IGSF8: variants seen among roughly 807,000 people sequenced by gnomAD.
The protein encoded by IGSF8 is immunoglobulin superfamily member 8.
In IGSF8, 46 loss-of-function variants were observed where a neutral mutation model predicts 55.5. That is an observed-to-expected ratio of 0.83 (90% CI 0.65 to 1.06). The LOEUF (loss-of-function observed/expected upper bound fraction) is 1.06, where lower values mean the gene tolerates loss of function less well. IGSF8 is among the 50% of genes least tolerant of loss of function. IGSF8 has a pLI of 0.00. For missense variants in IGSF8, 731 were observed against 832.3 expected, an observed-to-expected ratio of 0.88 and a Z score of 1.50; for synonymous variants, 314 against 356.1, an observed-to-expected ratio of 0.88 and a Z score of 1.33.
At position 160,093,292 on chromosome 1, in the gene IGSF8, C is replaced by G; in HGVS notation, c.944G>C (p.Arg315Pro). The change falls in exon 4 of 7, where the codon CGG becomes CCG. Residue 315 changes from arginine (R) to proline (P), a missense_variant. Physicochemically the swap from Arg to Pro is moderately radical, Grantham distance 103 (BLOSUM62 -2). Transcript: ENST00000314485. Reference sequence around the variant, plus strand: ...TTCCAAGGGCTCCCCTGGGCCGATCCGACGTTCACCAGGCCCCACTGTCAC... The same window carrying G: ...TTCCAAGGGCTCCCCTGGGCCGATCGGACGTTCACCAGGCCCCACTGTCAC... Reference protein sequence around the residue: ...LAVTVGPGERRIGPGEPLELL... With the variant: ...LAVTVGPGERPIGPGEPLELL... The G allele has an allele frequency of 6.2e-7, 1 of 1,603,176 alleles. No homozygotes were observed. Among genetic ancestry groups the G allele is most frequent in the Non-Finnish European group, 8.5e-7 (1 of 1,171,640 alleles).
chr1:160,093,290 T>C lies in IGSF8; in HGVS notation c.946A>G (p.Ile316Val), dbSNP rs1650143428. ...AVTVGPGERR[I>V]GPGEPLELLC... ...AGTTCCAAGGGCTCCCCTGGGCCGA[T>C]CCGACGTTCACCAGGCCCCACTGTC... Residue 316 changes from isoleucine (I) to valine (V), a missense_variant, in exon 4 of 7, where the codon ATC becomes GTC. Transcript: ENST00000314485. 1 of 1,605,068 alleles carries C rather than the reference T, an allele frequency of 6.2e-7. No individual in the cohort carries two copies. Among genetic ancestry groups the C allele is most frequent in the Admixed American group, 1.7e-5 (1 of 59,700 alleles).
chr1:160,096,467 CA>C (rs1650443557), intron 1 of IGSF8, among the ~76,000 whole-genome samples: 3 of 152,186 alleles, frequency 2.0e-5, no homozygotes, highest in African/African-American at 7.2e-5. Flanking sequence ...TTAGGCCTCC[CA>C]GGGGGATACC....
rs776584556 is a variant in IGSF8 at position 160,093,154 on chromosome 1, T to C, written c.1082A>G (p.Gln361Arg). 6.2e-6 allele frequency: 10 copies of C among 1,613,672 alleles called. No homozygotes were observed. In the East Asian group the frequency reaches 1.8e-4, roughly 29 times the overall value. ...GCTGCCCACACCCTCTGTGTCCAGC[T>C]GGGCTACCAGGCGGCCGGGCCCAGG... ...GAPGPGRLVAQLDTEGVGSLG... is the reference protein window; with the variant it reads ...GAPGPGRLVARLDTEGVGSLG... The change falls in exon 4 of 7, where the codon CAG becomes CGG. Residue 361 changes from glutamine (Q) to arginine (R), a missense_variant. Transcript: ENST00000314485.
In IGSF8 at chr1:160,094,498, TCTAACTCCTTCC is replaced by T. The variant is rs1473219749; in HGVS notation, c.443-339_443-328del. Among the ~76,000 whole-genome samples the T allele has an allele frequency of 1.3e-5, 2 of 152,150 alleles. No individual in the cohort carries two copies. Among genetic ancestry groups the T allele is most frequent in the African/African-American group, 4.8e-5 (2 of 41,420 alleles). On this transcript the variant is annotated intron_variant, in intron 2 of 6. Coordinates refer to ENST00000314485, the MANE Select transcript of IGSF8 (RefSeq NM_052868.6). This position sits in a 1 kb window ranked among gnomAD's most constrained non-coding sequence, Gnocchi z 4.0. ...TTAAGAGAGTGAGAATGTCACATGGTCTAACTCCTTCCCTAACTCTACTCTCTTTCCCAGATC... is the reference window on the plus strand; with the variant it reads ...TTAAGAGAGTGAGAATGTCACATGGTCTAACTCTACTCTCTTTCCCAGATC...
Position 160,094,758 on chromosome 1 carries a change from C to T in IGSF8, c.442+111G>A, listed in dbSNP as rs774814054. 6 of 1,199,394 alleles carry T rather than the reference C, an allele frequency of 5.0e-6. No individual in the cohort carries two copies. Among genetic ancestry groups the T allele is most frequent in the African/African-American group, 1.5e-5 (1 of 64,750 alleles). 74.3% of individuals were successfully genotyped at this position (1,199,394 alleles called of 1,614,324 possible). A position where few individuals can be genotyped will look rare whatever the true frequency, so the allele number is the denominator to read the frequency against. ...GTGCAAATCACTTAACCTCTTTGGG[C>T]CTCAAGTTCCTTGGCTACAAAACCT... On this transcript the variant is annotated intron_variant, in intron 2 of 6. Coordinates refer to ENST00000314485, the MANE Select transcript of IGSF8 (RefSeq NM_052868.6). This position sits in a 1 kb window ranked among gnomAD's most constrained non-coding sequence, Gnocchi z 4.0.
intron 5 of IGSF8, 104 bp from the exon 6 acceptor site, chr1:160,092,042 T>C: frequency 1.1e-6 from 1 of 873,082 alleles, no homozygotes; most frequent in Non-Finnish European, 1.9e-6. Context: ...ACCTTCTCCA[T>C]TCACAGACAC....
rs200042857 is a variant in IGSF8 at position 160,093,796 on chromosome 1, G to T, written c.818C>A (p.Ala273Asp). Residue 273 changes from alanine to aspartate, a missense_variant, in exon 3 of 7, where the codon GCT becomes GAT. By Grantham distance (126) the Ala-to-Asp change is moderately radical. Transcript: ENST00000314485. The stretch of plus-strand genomic sequence containing the variant: ...GCCATCAGGATCCTGAATCCACTCA[G>T]CGGCAGTGCAGTGGTAGGTGCCTGC... ...GDAGTYHCTA[A>D]EWIQDPDGSW... 394 of 1,613,974 alleles carry T rather than the reference G, an allele frequency of 2.4e-4. No homozygotes were observed. The highest frequency in any genetic ancestry group is 3.2e-4 in the Non-Finnish European group (375 of 1,179,976).
intron 1 of IGSF8, 78 bp downstream of exon 1, chr1:160,098,330 GC>G: frequency 6.6e-7 from 1 of 1,513,372 alleles, no homozygotes; most frequent in Non-Finnish European, 8.9e-7. Flanking sequence ...GATGTGAGGA[GC>G]CCCGAAATGC....
rs1650622478 is a variant in IGSF8 at position 160,098,604 on chromosome 1, A to G, written c.-132T>C. The G allele has an allele frequency of 9.9e-6, 6 of 603,354 alleles. No individual in the cohort carries two copies. The South Asian group carries it at 1.2e-4, about 12-fold the overall frequency. 37.4% of individuals were successfully genotyped at this position (603,354 alleles called of 1,614,324 possible). A position where few individuals can be genotyped will look rare whatever the true frequency, so the allele number is the denominator to read the frequency against. ...GGCGTGGGTGCGCCGAGCGAGCTGA[A>G]CTGGAGCTGCCGAATCCCCTCCCTC... On this transcript the variant is annotated 5_prime_UTR_variant, in exon 1 of 7. Transcript: ENST00000314485.
chr1:160,095,385 C>A, intron 1 of IGSF8, 139 bp from the exon 2 acceptor site: 1 of 851,462 alleles, frequency 1.2e-6, no homozygotes, highest in Non-Finnish European at 1.8e-6. Context: ...GGACCCTGTT[C>A]TGAGAATAGG....
Position 160,094,174 on chromosome 1 carries a change from G to A in IGSF8, c.443-3C>T. ...CACCTGGAGGACATCTGGAAGAACT[G>A]GAGAGAACAGCTGGAGTGAGGGAGG... On this transcript the variant is annotated splice_polypyrimidine_tract_variant and splice_region_variant and intron_variant, in intron 2 of 6. Transcript: ENST00000314485. The surrounding 1 kb of genome is among the most constrained non-coding windows in gnomAD (Gnocchi z 4.0). 6.3e-7 allele frequency: 1 copy of A among 1,584,296 alleles called. No individual in the cohort carries two copies.
rs781272087 is a variant in IGSF8, at chr1:160,093,736, A to C, written c.878T>G (p.Leu293Arg). The part of the protein sequence containing the change: ...WAQIAEKRAV[L>R]AHVDVQTLSS... Reference sequence around the variant, plus strand: ...CAGCGTCTGCACATCCACGTGGGCCAGGACGGCCCTTTTCTCTGCAATCTG... The same window carrying C: ...CAGCGTCTGCACATCCACGTGGGCCCGGACGGCCCTTTTCTCTGCAATCTG... The change falls in exon 3 of 7, where the codon CTG (leucine) becomes CGG (arginine). Residue 293 changes from leucine to arginine, a missense_variant. Physicochemically the swap from Leu to Arg is moderately radical, Grantham distance 102. Coordinates refer to ENST00000314485, the MANE Select transcript of IGSF8 (RefSeq NM_052868.6). The C allele has an allele frequency of 6.2e-7, 1 of 1,611,206 alleles. No individual in the cohort carries two copies.
chr1:160,098,018 G>A (rs1302395324), intron 1 of IGSF8: 4 of 980,662 alleles, frequency 4.1e-6, no homozygotes, highest in East Asian at 2.3e-4. Flanking sequence ...ATGAAGCTGG[G>A]CAGGCACTGC....
At position 160,093,340 on chromosome 1, in the gene IGSF8, C is replaced by T; in HGVS notation, c.905-9G>A. On this transcript the variant is annotated splice_polypyrimidine_tract_variant and intron_variant, in intron 3 of 6. Transcript: ENST00000314485. ...CACTGCCAGCTGGCTGGCTGAAACA[C>T]AGGTAGGGGAAGAGGTGTCATGGAG... The T allele has an allele frequency of 6.3e-7, 1 of 1,574,928 alleles. No individual in the cohort carries two copies. Among genetic ancestry groups the T allele is most frequent in the South Asian group, 1.1e-5 (1 of 87,206 alleles).
chr1:160,096,937 A>G (rs1324582874), intron 1 of IGSF8, among the ~76,000 whole-genome samples: 1 of 152,158 alleles, frequency 6.6e-6, no homozygotes, highest in African/African-American at 2.4e-5. Flanking sequence ...TCCTGGCTCC[A>G]CAACTGCTGA....
chr1:160,098,458 C>T lies in IGSF8; in HGVS notation c.15G>A (p.Arg5=), dbSNP rs1650604642. The T allele has an allele frequency of 5.8e-6, 9 of 1,544,098 alleles. No individual in the cohort carries two copies. In the East Asian group the frequency reaches 2.0e-4, roughly 34 times the overall value. The change falls in exon 1 of 7, where the codon AGG becomes AGA. Residue 5 remains arginine, a synonymous_variant. Coordinates refer to ENST00000314485, the MANE Select transcript of IGSF8 (RefSeq NM_052868.6). MGAL[R]PTLLPPSLPL... is the part of the protein sequence containing the mutation. ...GCAGCGAAGGCGGCAGCAGCGTGGG[C>T]CTGAGGGCGCCCATCCTGCGCGGCC...
rs531071244 is a variant in IGSF8, at chr1:160,092,116, G to A, written c.1726+166C>T. ...GTCAGCATCAACCACAGAGGACCCC[G>A]TGCAGGTGGGCACTGCAGGGCTGGA... On this transcript the variant is annotated intron_variant, in intron 5 of 6. Coordinates refer to ENST00000314485, the MANE Select transcript of IGSF8 (RefSeq NM_052868.6). Among the ~76,000 whole-genome samples the A allele has an allele frequency of 2.6e-5, 4 of 152,296 alleles. No homozygotes were observed. In the East Asian group the frequency reaches 5.8e-4, roughly 22 times the overall value.
At position 160,096,414 on chromosome 1, in the gene IGSF8, G is replaced by A. The variant is rs145329347; in HGVS notation, c.65-1168C>T. Among the ~76,000 whole-genome samples the A allele has an allele frequency of 4.5e-3, 692 of 152,328 alleles. 18 individuals carry two copies. The highest frequency in any genetic ancestry group is 0.038 in the Admixed American group (582 of 15,298). ...GAGAGGAAGATGGGGAAACTCCAAG[G>A]CCAGGCCTGAAGGGACTGACCTCAC... On this transcript the variant is annotated intron_variant, in intron 1 of 6. Transcript: ENST00000314485.
At position 160,098,429 on chromosome 1, in the gene IGSF8, A is replaced by G. The variant is rs1557993933; in HGVS notation, c.44T>C (p.Leu15Pro). The G allele has an allele frequency of 3.9e-6, 6 of 1,547,936 alleles. No individual in the cohort carries two copies. Among genetic ancestry groups the G allele is most frequent in the Non-Finnish European group, 5.2e-6 (6 of 1,145,804 alleles). The change falls in exon 1 of 7, where the codon CTG becomes CCG. Residue 15 changes from leucine (L) to proline (P), a missense_variant. By Grantham distance (98) the Leu-to-Pro change is moderately conservative. Coordinates refer to ENST00000314485, the MANE Select transcript of IGSF8 (RefSeq NM_052868.6). The stretch of plus-strand genomic sequence containing the variant: ...CTTACCTAGCATTAGCAGCAGCAGC[A>G]GCGGCAGCGAAGGCGGCAGCAGCGT... ...RPTLLPPSLP[L>P]LLLLMLGMGC...
Sources: gnomAD v4.1 joint callset for allele counts (sites outside exome capture counted in the v4.1 genomes callset) on GRCh38, gnomAD v4.1.1 for gene constraint, Gnocchi (gnomAD v3.1) non-coding constraint, MANE v1.5 for transcripts, NCBI Gene and HGNC (gene_info 2026-07-23, HGNC 2026-07-21) for gene names.